The following TSLP variants were observed in gnomAD, a reference collection of about 807,000 sequenced individuals.
TSLP encodes the protein thymic stromal lymphopoietin.
A neutral mutation model predicts 12.4 loss-of-function variants in TSLP; 12 were observed. The ratio of observed to expected loss-of-function variants is 0.97; its 90% CI spans 0.62 to 1.57. The LOEUF is 1.57. Among genes scored for constraint, TSLP ranks in the 40% most tolerant of loss-of-function variants. The pLI is 0.00. For missense variants in TSLP, 222 were observed against 189.6 expected (o/e 1.17, Z -1.00); for synonymous variants, 97 against 69.5 (o/e 1.40, Z -1.97).
At chr5:111,072,819 G>GT in intron 1 of TSLP, 69 bp from the exon 2 acceptor site, 1 of 1,518,946 alleles carries the variant, frequency 6.6e-7, no homozygotes, top group Non-Finnish European at 9.1e-7. Flanking sequence ...GGAGCAAAGG[G>GT]TGGAGGGATG....
chr5:111,075,865 G>A, intron 3 of TSLP, 81 bp from the exon 4 acceptor site: 2 of 1,429,108 alleles, frequency 1.4e-6, no homozygotes, highest in Non-Finnish European at 1.9e-6. Flanking sequence ...GATTTGCATA[G>A]AGAAGGCAAT....
upstream of TSLP, chr5:111,071,245 G>T (rs554109369): frequency 1.6e-4 from 78 of 477,382 alleles, 2 homozygotes; most frequent in South Asian, 3.8e-3. Flanking sequence ...ACCCTCCAAA[G>T]CATCCCATAA....
Position 111,073,012 on chromosome 5 carries a change from A to G in TSLP, c.216+80A>G, listed in dbSNP as rs148396476. 5.3e-4 allele frequency: 809 copies of G among 1,522,918 alleles called. 5 individuals carry two copies. In the African/African-American group the frequency reaches 9.3e-3, roughly 18 times the overall value. 94.3% of individuals were successfully genotyped at this position (1,522,918 alleles called of 1,614,324 possible). ...GGAGAGGGAGTATCCTGCTACGTGC[A>G]GAACTCCGAGAGGTGCCTGGGCTCC... On this transcript the variant is annotated intron_variant, in intron 2 of 3. Transcript: ENST00000344895.
At chr5:111,071,389 CAGA>C, upstream of TSLP, 1 of 1,459,200 alleles carries the variant, frequency 6.9e-7, no homozygotes, top group African/African-American at 1.4e-5. Flanking sequence ...CTGCTGGTTT[CAGA>C]AGGTGTTTCT....
chr5:111,071,684 T>C (rs1254128524), upstream of TSLP: 2 of 1,280,052 alleles, frequency 1.6e-6, no homozygotes, highest in East Asian at 5.0e-5. Context: ...GTTTAGGTGT[T>C]ATATAGTGCA....
upstream of TSLP, chr5:111,070,859 G>A (rs560451773): frequency 1.3e-5 from 2 of 152,536 alleles, no homozygotes; most frequent in African/African-American, 4.8e-5. Context: ...CTGAGCTCAG[G>A]ACAGCATCGT....
rs1413283419 is a variant in TSLP, at chr5:111,076,298, T to G, written c.*224T>G. ...GGGAAGCTTCCATAACATTGATGAC[T>G]GGCTTCATGGCAGTAATTCTCGGCT... On this transcript the variant is annotated 3_prime_UTR_variant, in exon 4 of 4. Coordinates refer to ENST00000344895, the MANE Select transcript of TSLP (RefSeq NM_033035.5). The G allele has an allele frequency of 2.0e-5, 10 of 505,440 alleles. No individual in the cohort carries two copies. The East Asian group carries it at 3.8e-4, about 19-fold the overall frequency. 31.3% of individuals were successfully genotyped at this position (505,440 alleles called of 1,614,324 possible). A position where few individuals can be genotyped will look rare whatever the true frequency, so the allele number is the denominator to read the frequency against.
intron 3 of TSLP, among the ~76,000 whole-genome samples, chr5:111,075,624 C>A (rs971222864): frequency 6.6e-6 from 1 of 152,088 alleles, no homozygotes; most frequent in Non-Finnish European, 1.5e-5. Context: ...ACCTATGATG[C>A]AATATAAAGA....
At position 111,071,719 on chromosome 5, in the gene TSLP, G is replaced by A. The variant is rs78910837; in HGVS notation, c.-172G>A. 6 of 1,215,380 alleles carry A rather than the reference G, an allele frequency of 4.9e-6. No homozygotes were observed. Among genetic ancestry groups the A allele is most frequent in the African/African-American group, 3.1e-5 (2 of 65,420 alleles). 75.3% of individuals were successfully genotyped at this position (1,215,380 alleles called of 1,614,324 possible). A position where few individuals can be genotyped will look rare whatever the true frequency, so the allele number is the denominator to read the frequency against. ...AGCCAGAAAGCTCTGGAGCATCAGG[G>A]AGACTCCAACTTAAGGCAACAGCAT... On this transcript the variant is annotated 5_prime_UTR_variant, in exon 1 of 4. Transcript: ENST00000344895.
In TSLP at chr5:111,071,956, T is replaced by C. The variant is rs1461443658; in HGVS notation, c.66T>C (p.Leu22=). The C allele has an allele frequency of 6.2e-7, 1 of 1,614,128 alleles. No individual in the cohort carries two copies. The highest frequency in any genetic ancestry group is 8.5e-7 in the Non-Finnish European group (1 of 1,180,048). The change falls in exon 1 of 4, where the codon CTT becomes CTC. Residue 22 remains leucine (L), a synonymous_variant. Transcript: ENST00000344895. The part of the protein sequence containing the change: ...VSFRKIFILQ[L]VGLVLTYDFT... Reference sequence around the variant, plus strand: ...TCAGGAAAATCTTCATCTTACAACTTGTAGGGCTGGTGTTAACTTACGACT... The same window carrying C: ...TCAGGAAAATCTTCATCTTACAACTCGTAGGGCTGGTGTTAACTTACGACT...
chr5:111,072,505 T>C (rs1277581766), intron 1 of TSLP, among the ~76,000 whole-genome samples: 1 of 152,244 alleles, frequency 6.6e-6, no homozygotes, highest in Non-Finnish European at 1.5e-5. Flanking sequence ...CTTGGAATTT[T>C]TTTTAACATA....
intron 2 of TSLP, 86 bp downstream of exon 2, chr5:111,073,018 C>A (rs1752383926): frequency 1.3e-6 from 2 of 1,502,468 alleles, no homozygotes; most frequent in Non-Finnish European, 9.2e-7. Context: ...GTGCAGAACT[C>A]CGAGAGGTGC....
At chr5:111,075,459 G>A (rs1021980414) in intron 3 of TSLP, among the ~76,000 whole-genome samples, 16 of 152,158 alleles carry the variant, frequency 1.1e-4, no homozygotes, top group Non-Finnish European at 1.9e-4. Flanking sequence ...ATTGAATGAT[G>A]TCTATAAACA....
At chr5:111,073,319 C>T (rs71575357) in intron 2 of TSLP, 192 bp from the exon 3 acceptor site, 2 of 1,433,264 alleles carry the variant, frequency 1.4e-6, no homozygotes, top group South Asian at 1.5e-5. Context: ...CCGCCACCCT[C>T]GCCACGCCCC....
chr5:111,071,989 CTG>C lies in TSLP; in HGVS notation c.102_103del (p.Cys34Ter). 1.2e-6 allele frequency: 2 copies of C among 1,614,210 alleles called. No homozygotes were observed. Among genetic ancestry groups the C allele is most frequent in the Admixed American group, 1.7e-5 (1 of 60,032 alleles). ...GLVLTYDFTN[C>X]DFEKIKAAYL... ...TGGTGTTAACTTACGACTTCACTAA[CTG>C]TGACTTTGAGAAGATTAAAGCAGCC... On this transcript the variant is annotated frameshift_variant, in exon 1 of 4. Transcript: ENST00000344895. LOFTEE classifies it high-confidence loss of function.
rs1226883969 is a variant in TSLP at position 111,077,022 on chromosome 5, T to TC, written c.*952dup. ...ATTATGTCACTAGTCTTTTATTTTT[T>TC]CCCCTCTTGAACTTTCCTCACACCT... On this transcript the variant is annotated 3_prime_UTR_variant, in exon 4 of 4. Transcript: ENST00000344895. The TC allele has an allele frequency of 3.9e-5, 6 of 152,174 alleles. No individual in the cohort carries two copies. The highest frequency in any genetic ancestry group is 8.8e-5 in the Non-Finnish European group (6 of 68,030). 9.4% of individuals were successfully genotyped at this position (152,174 alleles called of 1,614,324 possible).
chr5:111,072,888 A>T lies in TSLP; in HGVS notation c.172A>T (p.Thr58Ser). The change falls in exon 2 of 4, where the codon ACC becomes TCC. Residue 58 changes from threonine to serine, a missense_variant and splice_region_variant. By Grantham distance (58) the Thr-to-Ser change is moderately conservative. Transcript: ENST00000344895. ...TTTGTCCTATTTTTCTTTCTTCCAGACCAAAAGTACCGAGTTCAACAACAC... is the reference window on the plus strand; with the variant it reads ...TTTGTCCTATTTTTCTTTCTTCCAGTCCAAAAGTACCGAGTTCAACAACAC... ...SKDLITYMSGTKSTEFNNTVS... is the reference protein window; with the variant it reads ...SKDLITYMSGSKSTEFNNTVS... The T allele has an allele frequency of 6.2e-7, 1 of 1,614,168 alleles. No individual in the cohort carries two copies. The highest frequency in any genetic ancestry group is 8.5e-7 in the Non-Finnish European group (1 of 1,180,024).
At chr5:111,073,702 G>A in intron 3 of TSLP, 57 bp downstream of exon 3, 2 of 1,545,132 alleles carry the variant, frequency 1.3e-6, no homozygotes, top group Non-Finnish European at 1.8e-6. Flanking sequence ...AAATTAAACT[G>A]GGGCTTTGGT....
intron 2 of TSLP, 97 bp from the exon 3 acceptor site, chr5:111,073,414 C>A: frequency 6.3e-7 from 1 of 1,578,302 alleles, no homozygotes; most frequent in South Asian, 1.2e-5. Flanking sequence ...CCGCTCCTCC[C>A]TGACCTTCCT....
Sources: gnomAD v4.1 joint callset for allele counts (sites outside exome capture counted in the v4.1 genomes callset) on GRCh38, gnomAD v4.1.1 for gene constraint, MANE v1.5 for transcripts, NCBI Gene and HGNC (gene_info 2026-07-23, HGNC 2026-07-21) for gene names.